Variants in ITGB6 observed in about 807,000 individuals in gnomAD.
ITGB6 encodes integrin beta-6.
In ITGB6, 80 loss-of-function variants were observed where a neutral mutation model predicts 84.5. The observed-to-expected ratio is 0.95, with a 90% CI of 0.79 to 1.14. The LOEUF (loss-of-function observed/expected upper bound fraction) is 1.14. Ranked by LOEUF, ITGB6 falls within the 50% of genes most tolerant of loss-of-function variation. ITGB6 has a pLI of 0.00. For synonymous variants in ITGB6, 383 were observed against 354.9 expected, an observed-to-expected ratio of 1.08 and a Z score of -0.89; for missense variants, 1,006 against 968.0, an observed-to-expected ratio of 1.04 and a Z score of -0.52.
At chr2:160,141,862 CT>C (rs936124196) in intron 8 of ITGB6, 119 bp downstream of exon 8, 43 of 625,854 alleles carry the variant, frequency 6.9e-5, no homozygotes, top group East Asian at 3.2e-5. Flanking sequence ...CATGCAGAGA[CT>C]TTTTTTGGAT....
chr2:160,120,752 T>C (rs1360666711), intron 12 of ITGB6, among the ~76,000 whole-genome samples: 1 of 132,148 alleles, frequency 7.6e-6, no homozygotes, highest in African/African-American at 2.9e-5. Flanking sequence ...AGAGTTCATG[T>C]CCTTTGTAGG....
chr2:160,113,689 G>C (rs6749513), intron 12 of ITGB6, among the ~76,000 whole-genome samples: 120,073 of 152,250 alleles, frequency 0.79, 48,308 homozygotes, highest in African/African-American at 0.95. Flanking sequence ...GTTGTGTGCA[G>C]AGGAGCTTGT....
chr2:160,153,513 A>G (rs922758556), intron 7 of ITGB6, among the ~76,000 whole-genome samples: 1 of 152,228 alleles, frequency 6.6e-6, no homozygotes, highest in South Asian at 2.1e-4. Flanking sequence ...AATACCATTC[A>G]GGACATAGGC....
rs548954273 is a variant in ITGB6 at position 160,116,731 on chromosome 2, G to A, written c.1982-4532C>T. Among the ~76,000 whole-genome samples, 18 of 152,278 alleles carry A rather than the reference G, an allele frequency of 1.2e-4. No individual in the cohort carries two copies. In the South Asian group the frequency reaches 3.7e-3, roughly 32 times the overall value. The stretch of plus-strand genomic sequence containing the variant: ...GACACAGACTGGCAAATTGGATGAA[G>A]ACTCAAGACCCATCAGTGTGCTGTA... On this transcript the variant is annotated intron_variant, in intron 12 of 14. Coordinates refer to ENST00000283249, the MANE Select transcript of ITGB6 (RefSeq NM_000888.5).
intron 9 of ITGB6, 25 bp from the exon 10 acceptor site, chr2:160,137,876 T>C (rs1173095080): frequency 4.4e-6 from 7 of 1,602,832 alleles, no homozygotes; most frequent in Non-Finnish European, 6.0e-6. Context: ...ACTAATTATC[T>C]CCCTCCATCC....
chr2:160,150,998 T>A (rs1684392877), intron 7 of ITGB6, among the ~76,000 whole-genome samples: 2 of 151,902 alleles, frequency 1.3e-5, no homozygotes. Context: ...ACCCATATAA[T>A]AATAATGAGA....
intron 6 of ITGB6, among the ~76,000 whole-genome samples, chr2:160,171,585 C>T (rs186445317): frequency 5.9e-5 from 9 of 152,214 alleles, no homozygotes; most frequent in East Asian, 1.9e-4. Flanking sequence ...TCCACCGCCT[C>T]GGCCTCCCAA....
chr2:160,145,002 T>C (rs963565066), intron 7 of ITGB6, among the ~76,000 whole-genome samples: 4 of 152,262 alleles, frequency 2.6e-5, no homozygotes, highest in African/African-American at 9.6e-5. Flanking sequence ...TTTGGCTTCC[T>C]GCTCTAACAC....
intron 10 of ITGB6, among the ~76,000 whole-genome samples, chr2:160,132,726 G>A (rs969497223): frequency 6.6e-6 from 1 of 151,954 alleles, no homozygotes; most frequent in African/African-American, 2.4e-5. Context: ...TTATATATGT[G>A]TGCATATATA....
chr2:160,100,414 C>G lies in ITGB6; in HGVS notation c.*1322G>C, dbSNP rs934070950. On this transcript the variant is annotated 3_prime_UTR_variant, in exon 15 of 15. Coordinates refer to ENST00000283249, the MANE Select transcript of ITGB6 (RefSeq NM_000888.5). ...AATGACAGTTATCACTTAACTAACACAATCTTTCTATTATTTCACTGACAA... is the reference window on the plus strand; with the variant it reads ...AATGACAGTTATCACTTAACTAACAGAATCTTTCTATTATTTCACTGACAA... 1 of 152,226 alleles carries G rather than the reference C, an allele frequency of 6.6e-6. No homozygotes were observed. Among genetic ancestry groups the G allele is most frequent in the Non-Finnish European group, 1.5e-5 (1 of 68,038 alleles). The allele number at this position is 152,226 out of a possible 1,614,324, so 9.4% of individuals were successfully genotyped here.
intron 10 of ITGB6, among the ~76,000 whole-genome samples, chr2:160,131,122 A>G (rs1055643550): frequency 6.6e-6 from 1 of 152,236 alleles, no homozygotes; most frequent in African/African-American, 2.4e-5. Flanking sequence ...TGGAGGGACA[A>G]GATGATAACC....
At chr2:160,115,000 G>A (rs4664315) in intron 12 of ITGB6, among the ~76,000 whole-genome samples, 101,520 of 152,078 alleles carry the variant, frequency 0.67, 34,255 homozygotes, top group Admixed American at 0.74. Context: ...CAGCTGGGAA[G>A]CTCAAACTGG....
At chr2:160,110,621 G>A (rs1482663580) in intron 13 of ITGB6, among the ~76,000 whole-genome samples, 2 of 152,152 alleles carry the variant, frequency 1.3e-5, no homozygotes, top group East Asian at 1.9e-4. Context: ...AAAGAAAGAA[G>A]ATGAAAGAAG....
intron 8 of ITGB6, among the ~76,000 whole-genome samples, chr2:160,139,255 A>G (rs1169031761): frequency 3.9e-5 from 6 of 152,352 alleles, no homozygotes; most frequent in African/African-American, 1.4e-4. Context: ...CAGTTAATCC[A>G]AAAGTTTTAA....
chr2:160,133,582 C>G (rs1244159627), intron 10 of ITGB6, among the ~76,000 whole-genome samples: 2 of 152,120 alleles, frequency 1.3e-5, no homozygotes, highest in African/African-American at 4.8e-5. Context: ...AACTCTCCAC[C>G]CCAAATCAAC....
chr2:160,117,371 T>C (rs1177071734), intron 12 of ITGB6, among the ~76,000 whole-genome samples: 5 of 151,526 alleles, frequency 3.3e-5, no homozygotes, highest in African/African-American at 1.2e-4. Flanking sequence ...CACTCAAAAC[T>C]GCTCAACTAC....
chr2:160,113,592 A>T (rs1283459211), intron 12 of ITGB6, among the ~76,000 whole-genome samples: 4 of 152,248 alleles, frequency 2.6e-5, no homozygotes, highest in Admixed American at 1.3e-4. Flanking sequence ...AGTCATTGCC[A>T]AATGATTATG....
chr2:160,116,527 A>G (rs1379542487), intron 12 of ITGB6, among the ~76,000 whole-genome samples: 2 of 152,218 alleles, frequency 1.3e-5, no homozygotes, highest in South Asian at 4.1e-4. Context: ...TAAACATGGA[A>G]AGGAACAACT....
At chr2:160,192,257 G>T (rs552861653) in intron 4 of ITGB6, among the ~76,000 whole-genome samples, 1 of 152,066 alleles carries the variant, frequency 6.6e-6, no homozygotes, top group Non-Finnish European at 1.5e-5. Context: ...AGGCATTAGT[G>T]GTTACATGGG....
Sources: gnomAD v4.1 joint callset for allele counts (sites outside exome capture counted in the v4.1 genomes callset) on GRCh38, gnomAD v4.1.1 for gene constraint, MANE v1.5 for transcripts, NCBI Gene and HGNC (gene_info 2026-07-23, HGNC 2026-07-21) for gene names.